Variants in STAG2 observed in about 807,000 individuals in gnomAD.
STAG2 encodes cohesin subunit SA-2.
Under a neutral mutation model 108.1 loss-of-function variants are expected in STAG2, and 14 were observed. The observed-to-expected ratio is 0.13, with a 90% CI of 0.09 to 0.20. The LOEUF (loss-of-function observed/expected upper bound fraction) is 0.20. STAG2 is among the 10% of genes least tolerant of loss of function. The pLI, the probability that STAG2 is intolerant of heterozygous loss-of-function variation, is 1.00. For missense variants in STAG2, 440 were observed against 940.9 expected (o/e 0.47, Z 6.96); for synonymous variants, 307 against 302.7 (o/e 1.01, Z -0.15).
chrX:124,057,231 A>T (rs1455140149), intron 14 of STAG2, among the ~76,000 whole-genome samples: 1 of 112,386 alleles, frequency 8.9e-6, no homozygotes, highest in Non-Finnish European at 1.9e-5. Context: ...AAAGATTGTT[A>T]TATAATGGCT....
chrX:124,093,873 A>T, intron 32 of STAG2, 145 bp from the exon 33 acceptor site: 1 of 590,125 alleles, frequency 1.7e-6, no homozygotes, highest in Non-Finnish European at 2.6e-6. Flanking sequence ...ATCATTGATG[A>T]CATAATCAAT....
intron 1 of STAG2, among the ~76,000 whole-genome samples, chrX:124,009,443 G>GTAGGTAGGTAGGTAGATAGATAGATAGA: frequency 1.6e-5 from 1 of 63,596 alleles, no homozygotes; most frequent in East Asian, 5.9e-4. Flanking sequence ...AGGTAGGTAG[G>GTAGGTAGGTAGGTAGATAGATAGATAGA]TAGATAGATA....
At chrX:124,032,827 T>C (rs907176170) in intron 5 of STAG2, among the ~76,000 whole-genome samples, 4 of 112,361 alleles carry the variant, frequency 3.6e-5, no homozygotes, top group Non-Finnish European at 7.5e-5. Flanking sequence ...TAATCAGTGA[T>C]GGGTGCACAT....
chrX:124,047,415 T>C lies in STAG2; in HGVS notation c.729T>C (p.Asn243=), dbSNP rs770291262. The C allele has an allele frequency of 8.3e-7, 1 of 1,206,357 alleles. No homozygotes were observed. The highest frequency in any genetic ancestry group is 2.2e-5 in the Admixed American group (1 of 45,642). Residue 243 remains asparagine, a synonymous_variant, in exon 9 of 35, where the codon AAT becomes AAC. Coordinates refer to ENST00000371145, the MANE Select transcript of STAG2 (RefSeq NM_001042750.2). The part of the protein sequence containing the change: ...VALNLSINMD[N]TQRQYEAERN... ...TAAATCTTAGCATTAATATGGATAA[T>C]ACACAAAGACAATATGAAGCAGAAC...
intron 20 of STAG2, among the ~76,000 whole-genome samples, chrX:124,065,331 T>C (rs1169589741): frequency 8.9e-6 from 1 of 112,040 alleles, no homozygotes; most frequent in Non-Finnish European, 1.9e-5. Context: ...AGCAATTTTA[T>C]GTTTCCTGTA....
chrX:124,004,665 G>C (rs1476125663), intron 1 of STAG2, among the ~76,000 whole-genome samples: 2 of 111,875 alleles, frequency 1.8e-5, no homozygotes, highest in Non-Finnish European at 3.8e-5. Flanking sequence ...ATGAACATGG[G>C]TGTACAAATG....
At chrX:124,087,106 A>T (rs1463359703) in intron 30 of STAG2, among the ~76,000 whole-genome samples, 1 of 112,108 alleles carries the variant, frequency 8.9e-6, no homozygotes. Flanking sequence ...AGGGAAATGG[A>T]CTCAGTATTA....
At chrX:124,079,708 G>C (rs996146710) in intron 27 of STAG2, among the ~76,000 whole-genome samples, 25 of 112,569 alleles carry the variant, frequency 2.2e-4, no homozygotes, top group African/African-American at 7.7e-4. Flanking sequence ...ATAGCTGCTA[G>C]CTGTACTGTT....
intron 1 of STAG2, among the ~76,000 whole-genome samples, chrX:124,018,111 G>A (rs1244276132): frequency 8.9e-6 from 1 of 111,775 alleles, no homozygotes; most frequent in Non-Finnish European, 1.9e-5. Flanking sequence ...GAGACTTAAT[G>A]CAAATTTTAT....
chrX:124,042,101 G>A (rs1397753412), intron 6 of STAG2, among the ~76,000 whole-genome samples: 2 of 111,549 alleles, frequency 1.8e-5, no homozygotes, highest in African/African-American at 3.3e-5. Flanking sequence ...ATATTAGGAT[G>A]TAGTTACTTT....
chrX:124,053,715 C>A (rs755269035), intron 13 of STAG2, among the ~76,000 whole-genome samples: 1 of 111,533 alleles, frequency 9.0e-6, no homozygotes, highest in East Asian at 2.8e-4. Context: ...CTTTCATGAG[C>A]ATGACACAAA....
chrX:124,054,946 T>G (rs745749147), intron 13 of STAG2, among the ~76,000 whole-genome samples: 2 of 110,386 alleles, frequency 1.8e-5, no homozygotes, highest in Admixed American at 9.7e-5. Context: ...TTCTTTCCGT[T>G]TTTTGTAGAG....
chrX:123,988,280 T>C (rs2055290043), intron 1 of STAG2, among the ~76,000 whole-genome samples: 1 of 111,831 alleles, frequency 8.9e-6, no homozygotes, highest in African/African-American at 3.2e-5. Context: ...TAGTAAACTT[T>C]TAGCATACTA....
intron 10 of STAG2, among the ~76,000 whole-genome samples, chrX:124,049,338 A>C (rs1171000385): frequency 8.9e-6 from 1 of 111,755 alleles, no homozygotes; most frequent in East Asian, 2.8e-4. Context: ...GTTGGGCTAC[A>C]CAATACTTAA....
intron 1 of STAG2, among the ~76,000 whole-genome samples, chrX:123,965,332 A>G (rs993243430): frequency 1.8e-5 from 2 of 111,996 alleles, no homozygotes; most frequent in East Asian, 5.5e-4. Context: ...GAGTTTGGTA[A>G]CTTTCAAGTA....
chrX:124,005,188 T>G (rs2056226548), intron 1 of STAG2, among the ~76,000 whole-genome samples: 1 of 112,221 alleles, frequency 8.9e-6, no homozygotes, highest in Admixed American at 9.5e-5. Context: ...GTTTTTTCCC[T>G]GAATATTTTC....
Position 124,056,190 on chromosome X carries a change from C to T in STAG2, c.1259C>T (p.Ala420Val). ...CENVYHLVYS[A>V]HRPVAVAAGE... ...AATGTCTATCATCTGGTTTATTCAG[C>T]TCACCGGCCAGTAGCAGTAGCAGCT... Residue 420 changes from alanine (A) to valine (V), a missense_variant, in exon 14 of 35, where the codon GCT becomes GTT. Around this residue, in one of 3 missense-constraint regions of STAG2, gnomAD observed 337 missense variants for 649.3 expected, o/e 0.52. Coordinates refer to ENST00000371145, the MANE Select transcript of STAG2 (RefSeq NM_001042750.2). The T allele has an allele frequency of 8.3e-7, 1 of 1,209,041 alleles. No homozygotes were observed. Among genetic ancestry groups the T allele is most frequent in the Non-Finnish European group, 1.1e-6 (1 of 893,915 alleles).
At position 124,022,770 on chromosome X, in the gene STAG2, C is replaced by G. The variant is rs183710282; in HGVS notation, c.44+99C>G. The G allele has an allele frequency of 3.6e-4, 189 of 521,429 alleles. 1 individual carries two copies. The East Asian group carries it at 7.7e-3, about 21-fold the overall frequency. 43.0% of individuals were successfully genotyped at this position (521,429 alleles called of 1,213,427 possible). The stretch of plus-strand genomic sequence containing the variant: ...TAAATTTCCTTCTGCTCGAGAAGAT[C>G]TAATATATAAAATAGCTTTTATGCT... On this transcript the variant is annotated intron_variant, in intron 3 of 34. Transcript: ENST00000371145.
At chrX:124,014,400 G>C (rs2056629024) in intron 1 of STAG2, among the ~76,000 whole-genome samples, 2 of 109,176 alleles carry the variant, frequency 1.8e-5, no homozygotes, top group Admixed American at 9.7e-5. Context: ...TTGCTCTGTT[G>C]CCCAGGCTGG....
Sources: gnomAD v4.1 joint callset for allele counts (sites outside exome capture counted in the v4.1 genomes callset) on GRCh38, gnomAD v4.1.1 for gene constraint, gnomAD v4.1.1 regional missense constraint, MANE v1.5 for transcripts, NCBI Gene and HGNC (gene_info 2026-07-23, HGNC 2026-07-21) for gene names.